Variants in EPHA6 observed in about 807,000 individuals in gnomAD.
EPHA6 encodes EPH receptor A6.
A neutral mutation model predicts 112.0 loss-of-function variants in EPHA6; 50 were observed. The ratio of observed to expected loss-of-function variants is 0.45; its 90% confidence interval spans 0.36 to 0.56. The LOEUF (loss-of-function observed/expected upper bound fraction) is 0.56, where lower values mean the gene tolerates loss of function less well. Among genes scored for constraint, EPHA6 ranks in the 20% least tolerant of loss-of-function variants. The pLI is 0.00. For synonymous variants in EPHA6, 529 were observed against 490.7 expected (o/e 1.08, Z -1.03); for missense variants, 1,280 against 1,417.4 (o/e 0.90, Z 1.56).
Position 97,104,311 on chromosome 3 carries a change from A to G in EPHA6, c.1114+116318A>G, listed in dbSNP as rs546637754. Among the ~76,000 whole-genome samples the G allele has an allele frequency of 4.6e-4, 70 of 152,128 alleles. 1 individual carries two copies. The highest frequency in any genetic ancestry group is 1.6e-3 in the African/African-American group (65 of 41,536). On this transcript the variant is annotated intron_variant, in intron 3 of 17. Transcript: ENST00000389672. The stretch of plus-strand genomic sequence containing the variant: ...CATAGAAGGCTCTTACTATTTCGTG[A>G]TATGTTTCTTCAATACCTAGTTTGC...
At chr3:97,411,994 G>T (rs2087749588) in intron 6 of EPHA6, among the ~76,000 whole-genome samples, 1 of 151,976 alleles carries the variant, frequency 6.6e-6, no homozygotes, top group South Asian at 2.1e-4. Flanking sequence ...CAAATGAGGG[G>T]CTCTTGACCT....
chr3:97,024,921 A>T (rs770948407), intron 3 of EPHA6, among the ~76,000 whole-genome samples: 4 of 152,234 alleles, frequency 2.6e-5, no homozygotes, highest in Admixed American at 2.6e-4. Flanking sequence ...CTGAAAAATT[A>T]AAATAGTTTT....
intron 6 of EPHA6, among the ~76,000 whole-genome samples, chr3:97,409,607 T>C (rs2087576473): frequency 6.6e-6 from 1 of 152,068 alleles, no homozygotes; most frequent in African/African-American, 2.4e-5. Flanking sequence ...TACTCTCTCA[T>C]GTCAATTTTG....
intron 2 of EPHA6, among the ~76,000 whole-genome samples, chr3:96,951,045 G>A (rs1317624716): frequency 6.6e-6 from 1 of 151,632 alleles, no homozygotes; most frequent in Non-Finnish European, 1.5e-5. Context: ...CGTTGGCAGT[G>A]GAATTATGAT....
At chr3:97,029,754 C>G (rs1010349056) in intron 3 of EPHA6, among the ~76,000 whole-genome samples, 1 of 151,972 alleles carries the variant, frequency 6.6e-6, no homozygotes, top group African/African-American at 2.4e-5. Context: ...ATTTAAAGAA[C>G]AAGAACAATA....
At chr3:97,462,018 C>T (rs2090906000) in intron 7 of EPHA6, among the ~76,000 whole-genome samples, 1 of 152,106 alleles carries the variant, frequency 6.6e-6, no homozygotes, top group Non-Finnish European at 1.5e-5. Context: ...ACACTTAACA[C>T]ATCAAATGTC....
At chr3:97,548,095 C>T (rs2092981054) in intron 11 of EPHA6, among the ~76,000 whole-genome samples, 1 of 152,204 alleles carries the variant, frequency 6.6e-6, no homozygotes, top group African/African-American at 2.4e-5. Context: ...GTCTGGCACT[C>T]CCCAGTGAGA....
At chr3:97,337,011 A>G (rs1035292799) in intron 5 of EPHA6, among the ~76,000 whole-genome samples, 3 of 151,978 alleles carry the variant, frequency 2.0e-5, no homozygotes, top group South Asian at 4.1e-4. Context: ...ATATTTCATA[A>G]AACTCACCAT....
chr3:96,957,513 A>G (rs1321314535), intron 2 of EPHA6, among the ~76,000 whole-genome samples: 1 of 152,204 alleles, frequency 6.6e-6, no homozygotes, highest in Non-Finnish European at 1.5e-5. Context: ...AGAGACTCAG[A>G]GAATCTTGTA....
intron 11 of EPHA6, among the ~76,000 whole-genome samples, chr3:97,554,149 AT>A (rs896942448): frequency 1.5e-4 from 23 of 151,810 alleles, no homozygotes; most frequent in East Asian, 3.9e-4. Flanking sequence ...AAATGAATGG[AT>A]TTTTTTTTCT....
intron 11 of EPHA6, among the ~76,000 whole-genome samples, chr3:97,549,818 A>G (rs2093005637): frequency 6.6e-6 from 1 of 151,590 alleles, no homozygotes; most frequent in Non-Finnish European, 1.5e-5. Context: ...CTCCAAAATA[A>G]TAAAATAAAA....
intron 6 of EPHA6, among the ~76,000 whole-genome samples, chr3:97,434,786 T>G (rs1010798958): frequency 3.3e-5 from 5 of 152,072 alleles, no homozygotes; most frequent in Non-Finnish European, 5.9e-5. Context: ...GGACCTCAAC[T>G]GGGATGGCGA....
chr3:96,840,286 T>C (rs2034661206), intron 1 of EPHA6, among the ~76,000 whole-genome samples: 1 of 152,132 alleles, frequency 6.6e-6, no homozygotes, highest in African/African-American at 2.4e-5. Context: ...TGGCAAAATA[T>C]ATACACCTCT....
intron 5 of EPHA6, among the ~76,000 whole-genome samples, chr3:97,250,201 T>C (rs564446275): frequency 6.6e-6 from 1 of 152,376 alleles, no homozygotes; most frequent in South Asian, 2.1e-4. Context: ...ATTTATTCTT[T>C]AGCATATACT....
chr3:97,630,102 A>G (rs769920250), intron 13 of EPHA6, among the ~76,000 whole-genome samples: 2 of 151,962 alleles, frequency 1.3e-5, no homozygotes, highest in African/African-American at 4.8e-5. Flanking sequence ...TCACAAATCC[A>G]TATCTACTTA....
intron 10 of EPHA6, among the ~76,000 whole-genome samples, chr3:97,499,480 C>T (rs1306085891): frequency 6.6e-6 from 1 of 152,090 alleles, no homozygotes; most frequent in Non-Finnish European, 1.5e-5. Flanking sequence ...CACTTAAGAA[C>T]AAGGATATGC....
intron 14 of EPHA6, among the ~76,000 whole-genome samples, chr3:97,651,866 G>T (rs1245459071): frequency 6.6e-6 from 1 of 151,258 alleles, no homozygotes; most frequent in East Asian, 1.9e-4. Context: ...TTTTTTTTTA[G>T]GTTCAGAGGT....
At chr3:97,031,343 C>G (rs1354786006) in intron 3 of EPHA6, among the ~76,000 whole-genome samples, 3 of 152,028 alleles carry the variant, frequency 2.0e-5, no homozygotes, top group Non-Finnish European at 4.4e-5. Flanking sequence ...CATAAAAACC[C>G]TAGAAGAAAA....
intron 3 of EPHA6, among the ~76,000 whole-genome samples, chr3:97,066,140 G>T (rs1015154592): frequency 6.6e-6 from 1 of 151,832 alleles, no homozygotes; most frequent in East Asian, 1.9e-4. Flanking sequence ...TCAAGGAGGG[G>T]GTACACCTAG....
Sources: gnomAD v4.1 joint callset for allele counts (sites outside exome capture counted in the v4.1 genomes callset) on GRCh38, gnomAD v4.1.1 for gene constraint, MANE v1.5 for transcripts, NCBI Gene and HGNC (gene_info 2026-07-23, HGNC 2026-07-21) for gene names.